Variants in TMEM117 observed in about 807,000 individuals in gnomAD.
TMEM117 encodes the protein transmembrane protein 117.
A neutral mutation model predicts 52.4 loss-of-function variants in TMEM117; 27 were observed. The observed-to-expected ratio is 0.51, with a 90% CI of 0.38 to 0.71. TMEM117 has a LOEUF of 0.71. Among genes scored for constraint, TMEM117 ranks in the 30% least tolerant of loss-of-function variants. TMEM117 has a pLI of 0.00. For synonymous variants in TMEM117, 215 were observed against 206.3 expected, an observed-to-expected ratio of 1.04 and a Z score of -0.36; for missense variants, 556 against 630.5, an observed-to-expected ratio of 0.88 and a Z score of 1.26.
At chr12:44,245,286 G>C (rs1034680173) in intron 5 of TMEM117, among the ~76,000 whole-genome samples, 1 of 151,620 alleles carries the variant, frequency 6.6e-6, no homozygotes, top group Non-Finnish European at 1.5e-5. Context: ...GATTGTTTTG[G>C]GTGGTATAGA....
intron 3 of TMEM117, among the ~76,000 whole-genome samples, chr12:44,022,464 T>C (rs979373069): frequency 6.6e-6 from 1 of 152,192 alleles, no homozygotes; most frequent in African/African-American, 2.4e-5. Flanking sequence ...ACCTCATTCA[T>C]GTGGTTACTC....
At chr12:44,291,385 T>TTTGTTTGTTTG (rs1565679758) in intron 5 of TMEM117, among the ~76,000 whole-genome samples, 4 of 148,818 alleles carry the variant, frequency 2.7e-5, no homozygotes, top group African/African-American at 9.9e-5. Flanking sequence ...TTTTTTTTTT[T>TTTGTTTGTTTG]TTTTTTTTTT....
intron 3 of TMEM117, among the ~76,000 whole-genome samples, chr12:44,060,996 A>G (rs1022301770): frequency 6.6e-6 from 1 of 152,106 alleles, no homozygotes; most frequent in Non-Finnish European, 1.5e-5. Context: ...TGGTGGCTTT[A>G]TGTGTTTTAA....
At chr12:44,005,306 A>G (rs921516877) in intron 3 of TMEM117, among the ~76,000 whole-genome samples, 6 of 152,260 alleles carry the variant, frequency 3.9e-5, no homozygotes, top group African/African-American at 1.4e-4. Flanking sequence ...ATTTTCATTA[A>G]AAAGTACAAT....
chr12:44,342,945 A>T (rs1163581701), intron 6 of TMEM117, among the ~76,000 whole-genome samples: 2 of 151,806 alleles, frequency 1.3e-5, no homozygotes. Flanking sequence ...GCTCACTGCA[A>T]CCTCTGCCCC....
At chr12:43,944,967 T>C (rs1234708677) in intron 3 of TMEM117, among the ~76,000 whole-genome samples, 2 of 152,068 alleles carry the variant, frequency 1.3e-5, no homozygotes, top group East Asian at 3.9e-4. Flanking sequence ...AAAAATTAGG[T>C]AGGCGTGGTG....
At chr12:44,306,098 G>A (rs1210588352) in intron 6 of TMEM117, among the ~76,000 whole-genome samples, 2 of 151,970 alleles carry the variant, frequency 1.3e-5, no homozygotes, top group Admixed American at 6.6e-5. Flanking sequence ...ATAAAAACAG[G>A]TACTACAGAC....
chr12:44,223,618 T>A (rs1375953751), intron 5 of TMEM117, among the ~76,000 whole-genome samples: 1 of 152,166 alleles, frequency 6.6e-6, no homozygotes, highest in East Asian at 1.9e-4. Flanking sequence ...AATTGGCACT[T>A]CCTTTGCTCC....
chr12:43,975,691 G>T (rs1386020164), intron 3 of TMEM117, among the ~76,000 whole-genome samples: 1 of 152,134 alleles, frequency 6.6e-6, no homozygotes, highest in Non-Finnish European at 1.5e-5. Flanking sequence ...TAGAATATCT[G>T]AAAAATACAT....
chr12:44,395,629 T>C, the TMEM117 span, among the ~76,000 whole-genome samples: 1 of 152,286 alleles, frequency 6.6e-6, no homozygotes, highest in East Asian at 1.9e-4. Flanking sequence ...CTGAACTGGG[T>C]GTTCACTGGG....
At chr12:43,852,881 A>G (rs899852633) in intron 2 of TMEM117, among the ~76,000 whole-genome samples, 24 of 152,326 alleles carry the variant, frequency 1.6e-4, no homozygotes, top group African/African-American at 5.8e-4. Flanking sequence ...ACACATTGTC[A>G]GATGACCTCC....
intron 3 of TMEM117, among the ~76,000 whole-genome samples, chr12:44,130,286 A>G (rs1001964295): frequency 8.5e-5 from 13 of 152,310 alleles, no homozygotes; most frequent in Non-Finnish European, 8.8e-5. Context: ...CATGTTGCTC[A>G]TGTTATCATC....
At chr12:44,060,314 G>A (rs1367135116) in intron 3 of TMEM117, among the ~76,000 whole-genome samples, 1 of 152,192 alleles carries the variant, frequency 6.6e-6, no homozygotes, top group Non-Finnish European at 1.5e-5. Flanking sequence ...TCTGGGGAAA[G>A]TTTGGGGCAA....
chr12:43,863,677 G>A (rs1397704039), intron 2 of TMEM117, among the ~76,000 whole-genome samples: 1 of 152,178 alleles, frequency 6.6e-6, no homozygotes, highest in African/African-American at 2.4e-5. Flanking sequence ...ACTTGAGGGA[G>A]TTTTTAAGAA....
intron 5 of TMEM117, among the ~76,000 whole-genome samples, chr12:44,293,575 T>C (rs1413208084): frequency 1.3e-5 from 2 of 152,086 alleles, no homozygotes; most frequent in Admixed American, 1.3e-4. Flanking sequence ...TTGTCTTTTG[T>C]GTGTCTACTA....
intron 3 of TMEM117, among the ~76,000 whole-genome samples, chr12:43,995,664 T>A (rs760868684): frequency 3.2e-4 from 48 of 152,318 alleles, no homozygotes; most frequent in Non-Finnish European, 6.2e-4. Flanking sequence ...ATATGTAGTC[T>A]TTCATCTCTC....
chr12:44,049,363 G>T (rs568087980), intron 3 of TMEM117, among the ~76,000 whole-genome samples: 1 of 152,082 alleles, frequency 6.6e-6, no homozygotes, highest in South Asian at 2.1e-4. Flanking sequence ...GGAGCTGAAC[G>T]ATGAGAACAC....
At chr12:43,897,123 A>G (rs944802738) in intron 2 of TMEM117, among the ~76,000 whole-genome samples, 1 of 152,116 alleles carries the variant, frequency 6.6e-6, no homozygotes, top group Non-Finnish European at 1.5e-5. Context: ...TGCAACCCCA[A>G]ATGCTTTGAA....
chr12:43,880,230 G>A lies in TMEM117; in HGVS notation c.277+35302G>A, dbSNP rs200750962. On this transcript the variant is annotated intron_variant, in intron 2 of 7. Coordinates refer to ENST00000266534, the MANE Select transcript of TMEM117 (RefSeq NM_032256.3). ...ATAAATTATAAATTTACCCACTATC[G>A]TAAGGCATTGTTTTCTTTATCAGGG... 2.1e-4 allele frequency among the ~76,000 whole-genome samples: 32 copies of A among 152,124 alleles called. No homozygotes were observed. In the East Asian group the frequency reaches 3.1e-3, roughly 15 times the overall value.
Sources: gnomAD v4.1 joint callset for allele counts (sites outside exome capture counted in the v4.1 genomes callset) on GRCh38, gnomAD v4.1.1 for gene constraint, MANE v1.5 for transcripts, NCBI Gene and HGNC (gene_info 2026-07-23, HGNC 2026-07-21) for gene names.